Variants in ALCAM observed in about 807,000 individuals in gnomAD.
The protein encoded by ALCAM is activated leukocyte cell adhesion molecule.
A neutral mutation model predicts 70.9 loss-of-function variants in ALCAM; 30 were observed. That is an observed-to-expected ratio of 0.42 (90% CI 0.32 to 0.57). The LOEUF is 0.57. Among genes scored for constraint, ALCAM ranks in the 20% least tolerant of loss-of-function variants. The pLI is 0.11. For synonymous variants in ALCAM, 249 were observed against 242.5 expected (o/e 1.03, Z -0.25); for missense variants, 591 against 695.1 (o/e 0.85, Z 1.68).
intron 1 of ALCAM, among the ~76,000 whole-genome samples, chr3:105,367,952 A>G (rs1485708562): frequency 7.2e-5 from 11 of 151,882 alleles, no homozygotes. Flanking sequence ...CGAGGAAGGG[A>G]TGGGAGGGGT....
At chr3:105,494,359 AC>A (rs1938677665) in intron 1 of ALCAM, among the ~76,000 whole-genome samples, 1 of 152,170 alleles carries the variant, frequency 6.6e-6, no homozygotes, top group South Asian at 2.1e-4. Flanking sequence ...ATGTGACATC[AC>A]TAACCTGTTA....
In ALCAM at chr3:105,403,394, C is replaced by T. The variant is rs145851153; in HGVS notation, c.73+35913C>T. 3.9e-3 allele frequency among the ~76,000 whole-genome samples: 593 copies of T among 152,276 alleles called. 2 individuals carry two copies. Among genetic ancestry groups the T allele is most frequent in the Non-Finnish European group, 6.6e-3 (449 of 68,010 alleles). On this transcript the variant is annotated intron_variant, in intron 1 of 15. Transcript: ENST00000306107. ...CGGAGCAGGCTGCGAGACCTGAAAACGGATCACATCACAAGACTCATTGCA... is the reference window on the plus strand; with the variant it reads ...CGGAGCAGGCTGCGAGACCTGAAAATGGATCACATCACAAGACTCATTGCA...
chr3:105,471,317 G>C (rs1937918682), intron 1 of ALCAM, among the ~76,000 whole-genome samples: 1 of 151,254 alleles, frequency 6.6e-6, no homozygotes, highest in Non-Finnish European at 1.5e-5. Context: ...GTAAACATAG[G>C]AAAAGGAAAT....
rs1221263470 is a variant in ALCAM, at chr3:105,534,607, A to C, written c.548-56A>C. The C allele has an allele frequency of 8.5e-6, 13 of 1,533,928 alleles. 1 individual carries two copies. The highest frequency in any genetic ancestry group is 1.7e-5 in the Admixed American group (1 of 59,746). ...TCAAAGGTGTGGTGCTGTTTCGTTA[A>C]GGATTGTGATTGTCAGATGAAAGAC... On this transcript the variant is annotated intron_variant, in intron 5 of 15. Coordinates refer to ENST00000306107, the MANE Select transcript of ALCAM (RefSeq NM_001627.4).
At chr3:105,509,850 G>A (rs1409419871) in intron 1 of ALCAM, among the ~76,000 whole-genome samples, 1 of 151,804 alleles carries the variant, frequency 6.6e-6, no homozygotes, top group African/African-American at 2.4e-5. Context: ...AAGCTTTAAG[G>A]TTTGTCTTAC....
At chr3:105,566,050 A>G (rs1381278805) in intron 14 of ALCAM, among the ~76,000 whole-genome samples, 1 of 152,208 alleles carries the variant, frequency 6.6e-6, no homozygotes, top group African/African-American at 2.4e-5. Context: ...CACACAGATC[A>G]GAGTACTTTG....
chr3:105,428,573 A>T (rs536809279), intron 1 of ALCAM, among the ~76,000 whole-genome samples: 9 of 152,068 alleles, frequency 5.9e-5, no homozygotes, highest in African/African-American at 2.2e-4. Context: ...AGCAAAGTGC[A>T]AAGATAGACA....
intron 1 of ALCAM, among the ~76,000 whole-genome samples, chr3:105,420,588 T>G (rs1936623496): frequency 6.6e-6 from 1 of 151,686 alleles, no homozygotes; most frequent in African/African-American, 2.4e-5. Context: ...TTTGTCATAA[T>G]ATCTTCCTTA....
chr3:105,541,547 A>G, intron 7 of ALCAM, 86 bp from the exon 8 acceptor site: 1 of 1,411,272 alleles, frequency 7.1e-7, no homozygotes, highest in Non-Finnish European at 9.7e-7. Context: ...ATCTTACTTG[A>G]TAAAATGCTA....
At chr3:105,427,190 G>T (rs1289527277) in intron 1 of ALCAM, among the ~76,000 whole-genome samples, 2 of 151,946 alleles carry the variant, frequency 1.3e-5, no homozygotes, top group African/African-American at 2.4e-5. Flanking sequence ...AGTATATATA[G>T]AGAGGGAGGC....
intron 3 of ALCAM, among the ~76,000 whole-genome samples, chr3:105,528,859 A>G (rs1001711041): frequency 6.6e-6 from 1 of 152,208 alleles, no homozygotes; most frequent in African/African-American, 2.4e-5. Flanking sequence ...ACAAACCTGC[A>G]TTTGTACCCC....
chr3:105,372,298 A>G (rs918223367), intron 1 of ALCAM, among the ~76,000 whole-genome samples: 3 of 152,094 alleles, frequency 2.0e-5, no homozygotes, highest in African/African-American at 7.2e-5. Flanking sequence ...TTTTGGAGTT[A>G]CTGATATTTT....
Position 105,567,006 on chromosome 3 carries a change from T to G in ALCAM, c.1665-4846T>G, listed in dbSNP as rs556199085. Among the ~76,000 whole-genome samples, 142 of 152,248 alleles carry G rather than the reference T, an allele frequency of 9.3e-4. 5 individuals carry two copies. The South Asian group carries it at 0.029, about 31-fold the overall frequency. On this transcript the variant is annotated intron_variant, in intron 14 of 15. Coordinates refer to ENST00000306107, the MANE Select transcript of ALCAM (RefSeq NM_001627.4). The stretch of plus-strand genomic sequence containing the variant: ...AATATGTCTTTCTTTTGCCTTTAAG[T>G]GAAGGATCTTTTCACTGATATAAAA...
At chr3:105,572,061 C>G (rs1940870175) in intron 15 of ALCAM, 97 bp downstream of exon 15, 1 of 680,386 alleles carries the variant, frequency 1.5e-6, no homozygotes, top group Non-Finnish European at 2.4e-6. Flanking sequence ...TCCATAATTA[C>G]AGCTTTCAAA....
intron 1 of ALCAM, among the ~76,000 whole-genome samples, chr3:105,465,334 T>C (rs1427858095): frequency 2.0e-5 from 3 of 151,446 alleles, no homozygotes; most frequent in South Asian, 4.1e-4. Context: ...AATTCTGAGC[T>C]GTTAAGGAGT....
chr3:105,392,653 C>A (rs929192427), intron 1 of ALCAM, among the ~76,000 whole-genome samples: 4 of 151,778 alleles, frequency 2.6e-5, no homozygotes, highest in Non-Finnish European at 5.9e-5. Flanking sequence ...TTCTCCAATT[C>A]TTTCAGTTGT....
intron 1 of ALCAM, among the ~76,000 whole-genome samples, chr3:105,425,124 A>AC (rs1936758794): frequency 6.6e-6 from 1 of 151,792 alleles, no homozygotes; most frequent in Non-Finnish European, 1.5e-5. Flanking sequence ...TGTCTTAACA[A>AC]CAGAGTTATC....
intron 9 of ALCAM, 88 bp downstream of exon 9, chr3:105,545,423 T>C (rs1940222561): frequency 1.2e-6 from 1 of 844,120 alleles, no homozygotes; most frequent in Non-Finnish European, 2.0e-6. Context: ...CAAGTAGGTA[T>C]ATTCATGGAT....
intron 14 of ALCAM, among the ~76,000 whole-genome samples, chr3:105,567,990 T>C (rs1199557425): frequency 6.6e-6 from 1 of 151,920 alleles, no homozygotes; most frequent in Non-Finnish European, 1.5e-5. Flanking sequence ...TTTTACGGTT[T>C]GTATTCCATG....
Sources: allele counts gnomAD v4.1 joint callset (sites outside exome capture counted in the v4.1 genomes callset), GRCh38; gene constraint gnomAD v4.1.1; transcripts MANE v1.5; gene names NCBI Gene and HGNC (gene_info 2026-07-23, HGNC 2026-07-21).